Variants in SNED1 observed in about 807,000 individuals in gnomAD.
SNED1 encodes the protein sushi, nidogen and EGF-like domain-containing protein 1.
SNED1 carries 81 observed loss-of-function variants against 166.7 expected under a neutral mutation model. That is an observed-to-expected ratio of 0.49 (90% confidence interval 0.41 to 0.58). The LOEUF (loss-of-function observed/expected upper bound fraction) is 0.58. SNED1 is among the 20% of genes least tolerant of loss of function. SNED1 has a pLI of 0.00. For synonymous variants in SNED1, 762 were observed against 822.0 expected (o/e 0.93, Z 1.25); for missense variants, 1,604 against 2,000.2 (o/e 0.80, Z 3.78).
chr2:241,016,028 G>C (rs1014930330), intron 1 of SNED1: 1 of 127,910 alleles, frequency 7.8e-6, no homozygotes, highest in South Asian at 2.8e-4. Context: ...CTGTTAAATT[G>C]GTCATTTAAA....
At chr2:241,089,792 T>C (rs931386756) in intron 31 of SNED1, among the ~76,000 whole-genome samples, 19 of 152,244 alleles carry the variant, frequency 1.2e-4, no homozygotes, top group Non-Finnish European at 2.1e-4. Context: ...AGCGCATACT[T>C]AGAACAAACC....
chr2:241,090,170 T>C, intron 31 of SNED1: 1 of 1,460,012 alleles, frequency 6.8e-7, no homozygotes, highest in South Asian at 1.5e-5. Context: ...TTCAAAATTG[T>C]TTTCTGTCCT....
In SNED1 at chr2:241,082,317, C is replaced by G. The variant is rs558175262; in HGVS notation, c.4074C>G (p.Ser1358=). Residue 1358 remains serine (S), a synonymous_variant, in exon 29 of 32, where the codon TCC becomes TCG. Transcript: ENST00000310397. ...CCCGCCCCTGCACAAGGCTGTTCTC[C>G]GAGACAAAGGCCTTTCCAGTCTGGG... ...KVSRPCTRLF[S]ETKAFPVWEG... The G allele has an allele frequency of 5.6e-6, 9 of 1,613,606 alleles. No homozygotes were observed. The Admixed American group carries it at 1.5e-4, about 27-fold the overall frequency.
At chr2:241,001,548 C>T (rs950363522) in intron 1 of SNED1, among the ~76,000 whole-genome samples, 53 of 152,228 alleles carry the variant, frequency 3.5e-4, no homozygotes, top group African/African-American at 1.2e-3. Flanking sequence ...AGCCGAGGAG[C>T]GTGGCGCGCC....
At chr2:241,037,086 C>T (rs886673406) in intron 5 of SNED1, 154 bp from the exon 6 acceptor site, 2 of 1,020,298 alleles carry the variant, frequency 2.0e-6, no homozygotes, top group Admixed American at 4.5e-5. Context: ...GCCATGGCCC[C>T]CTGGAGTGAG....
intron 8 of SNED1, among the ~76,000 whole-genome samples, chr2:241,045,963 AAAAC>A (rs551001075): frequency 3.6e-4 from 55 of 152,360 alleles, no homozygotes; most frequent in African/African-American, 1.1e-3. Flanking sequence ...CAACTGTGAG[AAAAC>A]AAACAACCCA....
chr2:241,052,529 G>A, intron 15 of SNED1, 61 bp downstream of exon 15: 2 of 1,287,738 alleles, frequency 1.6e-6, no homozygotes, highest in Admixed American at 3.5e-5. Flanking sequence ...CAGGTGAGAT[G>A]GCCAGGGCCC....
chr2:241,086,262 G>A (rs141140750), intron 29 of SNED1, among the ~76,000 whole-genome samples: 1 of 152,160 alleles, frequency 6.6e-6, no homozygotes, highest in Non-Finnish European at 1.5e-5. Context: ...TTTGCCTTGT[G>A]GGGATTCACC....
At chr2:241,083,161 G>A (rs567237123) in intron 29 of SNED1, among the ~76,000 whole-genome samples, 12 of 152,342 alleles carry the variant, frequency 7.9e-5, no homozygotes, top group African/African-American at 2.9e-4. Flanking sequence ...GCCTGCTGGG[G>A]ATGGGCAGGG....
chr2:241,035,870 G>A (rs2061339589), intron 4 of SNED1, among the ~76,000 whole-genome samples: 1 of 121,264 alleles, frequency 8.2e-6, no homozygotes. Flanking sequence ...GGGGTAGAGG[G>A]TGTGGGAGGT....
At chr2:241,090,595 CAAACACAA>C in intron 31 of SNED1, 2 of 979,252 alleles carry the variant, frequency 2.0e-6, no homozygotes, top group Middle Eastern at 3.6e-4. Flanking sequence ...AGCATCACCA[CAAACACAA>C]AAAGAATTAT....
intron 1 of SNED1, among the ~76,000 whole-genome samples, chr2:241,016,188 ATT>A (rs1181068532): frequency 0.1 from 7,016 of 68,424 alleles, 531 homozygotes; most frequent in East Asian, 0.33. Flanking sequence ...GTCATGGTGG[ATT>A]TTTTTTTTTT....
chr2:241,071,103 C>T (rs1466855735), intron 24 of SNED1, among the ~76,000 whole-genome samples: 1 of 152,176 alleles, frequency 6.6e-6, no homozygotes, highest in East Asian at 1.9e-4. Flanking sequence ...GAGGGCCCAG[C>T]CTGGGAGGCT....
At chr2:241,076,683 T>C (rs1031884404) in intron 27 of SNED1, among the ~76,000 whole-genome samples, 1 of 151,880 alleles carries the variant, frequency 6.6e-6, no homozygotes, top group African/African-American at 2.4e-5. Context: ...CTGGCCAACA[T>C]GGTGAAACCT....
chr2:241,025,204 C>T (rs950466012), intron 1 of SNED1, among the ~76,000 whole-genome samples: 1 of 152,142 alleles, frequency 6.6e-6, no homozygotes, highest in Non-Finnish European at 1.5e-5. Flanking sequence ...CTATTGTGAA[C>T]TATGCATGCG....
intron 27 of SNED1, among the ~76,000 whole-genome samples, chr2:241,076,732 A>G (rs2063036790): frequency 6.6e-6 from 1 of 152,070 alleles, no homozygotes; most frequent in African/African-American, 2.4e-5. Context: ...CATTTAGATC[A>G]GTGGAAAAGA....
intron 29 of SNED1, among the ~76,000 whole-genome samples, chr2:241,083,929 G>T (rs1034314158): frequency 1.5e-5 from 2 of 132,018 alleles, no homozygotes; most frequent in African/African-American, 2.9e-5. Flanking sequence ...TTTCCCACCT[G>T]CTTTTTGTTC....
intron 4 of SNED1, among the ~76,000 whole-genome samples, chr2:241,036,530 T>C (rs2061375305): frequency 6.6e-6 from 1 of 152,040 alleles, no homozygotes; most frequent in South Asian, 2.1e-4. Context: ...GACGGGGTGC[T>C]GGTGTGAGTC....
rs927176837 is a variant in SNED1 at position 241,013,113 on chromosome 2, C to T, written c.213+14063C>T. 8.5e-5 allele frequency among the ~76,000 whole-genome samples: 13 copies of T among 152,074 alleles called. No individual in the cohort carries two copies. Among genetic ancestry groups the T allele is most frequent in the African/African-American group, 3.1e-4 (13 of 41,490 alleles). On this transcript the variant is annotated intron_variant, in intron 1 of 31. Transcript: ENST00000310397. The surrounding 1 kb of genome is among the most constrained non-coding windows in gnomAD (Gnocchi z 4.6). ...CCTCCCAAAGTGATGGGATTACAGG[C>T]GTGAGCCACCGCGCCCGGCCACGAG... is the stretch of plus-strand genomic sequence containing the variant.
Sources: gnomAD v4.1 joint callset for allele counts (sites outside exome capture counted in the v4.1 genomes callset) on GRCh38, gnomAD v4.1.1 for gene constraint, Gnocchi (gnomAD v3.1) non-coding constraint, MANE v1.5 for transcripts, NCBI Gene and HGNC (gene_info 2026-07-23, HGNC 2026-07-21) for gene names.